The following GALNS variants were observed in gnomAD, a reference collection of about 807,000 sequenced individuals.
The protein encoded by GALNS is N-acetylgalactosamine-6-sulfatase.
A neutral mutation model predicts 65.9 loss-of-function variants in GALNS; 65 were observed. The ratio of observed to expected loss-of-function variants is 0.99; its 90% CI spans 0.81 to 1.21. GALNS has a LOEUF of 1.21. Among genes scored for constraint, GALNS ranks in the 50% most tolerant of loss-of-function variants. The pLI, the probability that GALNS is intolerant of heterozygous loss-of-function variation, is 0.00. For synonymous variants in GALNS, 346 were observed against 288.9 expected (o/e 1.20, Z -2.00); for missense variants, 776 against 700.7 (o/e 1.11, Z -1.21).
intron 9 of GALNS, among the ~76,000 whole-genome samples, chr16:88,830,242 AAAAAAAAAAAAAAAC>A (rs1911353405): frequency 6.7e-6 from 1 of 149,620 alleles, no homozygotes; most frequent in Non-Finnish European, 1.5e-5. Flanking sequence ...AAAAAAAAAA[AAAAAAAAAAAAAAAC>A]GTGGAACAGG....
intron 1 of GALNS, among the ~76,000 whole-genome samples, chr16:88,848,124 C>T (rs8061106): frequency 0.43 from 65,731 of 152,114 alleles, 16,496 homozygotes; most frequent in African/African-American, 0.69. Flanking sequence ...TCACCGGACA[C>T]GTCAGAAAAG....
At position 88,842,662 on chromosome 16, in the gene GALNS, G is replaced by A. The variant is rs770372961; in HGVS notation, c.244+44C>T. On this transcript the variant is annotated intron_variant, in intron 2 of 13. Coordinates refer to ENST00000268695, the MANE Select transcript of GALNS (RefSeq NM_000512.5). ...GGAAGGACCCGGGAGGCCTCGGCCT[G>A]TTGGGCTCACCCCTTCCTGGGGGCG... 39 of 1,607,346 alleles carry A rather than the reference G, an allele frequency of 2.4e-5. No individual in the cohort carries two copies. The Admixed American group carries it at 4.2e-4, about 17-fold the overall frequency.
At chr16:88,843,007 G>A in intron 1 of GALNS, 178 bp from the exon 2 acceptor site, 2 of 1,526,974 alleles carry the variant, frequency 1.3e-6, no homozygotes, top group Non-Finnish European at 1.7e-6. Context: ...TGCACGATGG[G>A]GCCGCTCCAC....
At chr16:88,822,765 G>A (rs1296706077) in intron 11 of GALNS, 55 bp from the exon 12 acceptor site, 2 of 1,597,230 alleles carry the variant, frequency 1.3e-6, no homozygotes, top group East Asian at 2.3e-5. Context: ...CGGCCGTGAG[G>A]GGCCTCGTCT....
intron 1 of GALNS, chr16:88,855,577 T>C: frequency 2.9e-6 from 2 of 686,042 alleles, no homozygotes; most frequent in Non-Finnish European, 2.7e-6. Flanking sequence ...GACTGTCGGC[T>C]GTCACCCCTG....
chr16:88,835,660 A>G, intron 7 of GALNS, 65 bp downstream of exon 7: 2 of 1,609,100 alleles, frequency 1.2e-6, no homozygotes, highest in East Asian at 2.2e-5. Context: ...TGAGTGTCCC[A>G]TCTCTGGAGT....
intron 12 of GALNS, among the ~76,000 whole-genome samples, chr16:88,819,856 G>A (rs571930237): frequency 2.4e-4 from 36 of 152,150 alleles, no homozygotes; most frequent in African/African-American, 8.7e-4. Flanking sequence ...ACCACGCCTG[G>A]CTAATTTTTA....
At chr16:88,843,346 G>C in intron 1 of GALNS, 1 of 603,466 alleles carries the variant, frequency 1.7e-6, no homozygotes, top group South Asian at 1.7e-5. Context: ...ACACCCAAGA[G>C]ACTGAAACTT....
chr16:88,829,344 C>T (rs1911253555), intron 9 of GALNS, among the ~76,000 whole-genome samples: 1 of 152,206 alleles, frequency 6.6e-6, no homozygotes, highest in Non-Finnish European at 1.5e-5. Flanking sequence ...TAGGGGCACC[C>T]CACACCACAA....
intron 1 of GALNS, chr16:88,843,618 G>A (rs1007845608): frequency 1.1e-5 from 2 of 186,226 alleles, no homozygotes; most frequent in African/African-American, 2.3e-5. Context: ...GAAGGCCGAG[G>A]CCGAGACTGG....
At chr16:88,843,359 G>A (rs904590017) in intron 1 of GALNS, 4 of 522,900 alleles carry the variant, frequency 7.6e-6, no homozygotes, top group Admixed American at 3.2e-5. Context: ...TGAAACTTAC[G>A]TCCACACGCA....
Position 88,841,093 on chromosome 16 carries a change from G to A in GALNS, c.321C>T (p.Ala107=). The change falls in exon 4 of 14, where the codon GCC becomes GCT. Residue 107 remains alanine, a splice_region_variant and synonymous_variant. Transcript: ENST00000268695. ...CGCCCACAATCTCCTGCGGTGTGTA[G>A]GCTGGAAGAGCAGCGCTGGGTGAGC... ...FYTTNAHARN[A]YTPQEIVGGI... is the part of the protein sequence containing the mutation. 4 of 1,612,570 alleles carry A rather than the reference G, an allele frequency of 2.5e-6. 1 individual carries two copies. The highest frequency in any genetic ancestry group is 1.3e-5 in the African/African-American group (1 of 75,042).
chr16:88,843,087 C>A, intron 1 of GALNS: 1 of 1,499,420 alleles, frequency 6.7e-7, no homozygotes, highest in Non-Finnish European at 8.9e-7. Flanking sequence ...CCCACGCTGT[C>A]TTTCGCCTCC....
At chr16:88,817,512 G>A (rs1909753858) in intron 13 of GALNS, 10 of 985,292 alleles carry the variant, frequency 1.0e-5, no homozygotes, top group Non-Finnish European at 1.1e-5. Context: ...CCCTGGGGCC[G>A]CCGCCACTCA....
intron 10 of GALNS, 39 bp from the exon 11 acceptor site, chr16:88,824,908 G>A (rs1328699886): frequency 1.3e-6 from 2 of 1,565,574 alleles, no homozygotes; most frequent in African/African-American, 1.4e-5. Flanking sequence ...ATGACAGGAA[G>A]GACACGCTGG....
Position 88,841,912 on chromosome 16 carries a change from C to T in GALNS, c.304G>A (p.Ala102Thr), listed in dbSNP as rs372585484. The T allele has an allele frequency of 8.7e-6, 14 of 1,613,212 alleles. No individual in the cohort carries two copies. The highest frequency in any genetic ancestry group is 1.6e-4 in the Middle Eastern group (1 of 6,082). The change falls in exon 3 of 14, where the codon GCC (alanine) becomes ACC (threonine). Residue 102 changes from alanine to threonine, a missense_variant. Ala to Thr is a moderately conservative substitution (Grantham distance 58). Transcript: ENST00000268695. ...GGCAGCCTACCGTTTCTGGCATGGG[C>T]GTTGGTGGTGTAGAAGCCATTGCGG... The part of the protein sequence containing the change: ...PIRNGFYTTN[A>T]HARNAYTPQE...
intron 1 of GALNS, chr16:88,855,223 T>C (rs1967742867): frequency 2.9e-6 from 2 of 697,780 alleles, no homozygotes; most frequent in African/African-American, 3.5e-5. Flanking sequence ...CTGCCCCGCC[T>C]CACCCCTCTG....
At chr16:88,856,581 A>AG in intron 1 of GALNS, 177 bp downstream of exon 1, 1 of 490,624 alleles carries the variant, frequency 2.0e-6, no homozygotes. Flanking sequence ...GCACGGGGAT[A>AG]CCCCCCGTCC....
At chr16:88,853,852 G>A (rs1967627367) in intron 1 of GALNS, among the ~76,000 whole-genome samples, 1 of 152,200 alleles carries the variant, frequency 6.6e-6, no homozygotes, top group East Asian at 1.9e-4. Context: ...CCCCTGGACA[G>A]GTGGGGGCTC....
Sources: gnomAD v4.1 joint callset for allele counts (sites outside exome capture counted in the v4.1 genomes callset) on GRCh38, gnomAD v4.1.1 for gene constraint, MANE v1.5 for transcripts, NCBI Gene and HGNC (gene_info 2026-07-23, HGNC 2026-07-21) for gene names.